Variants in CAST observed in about 807,000 individuals in gnomAD.
The protein encoded by CAST is calpastatin.
CAST carries 76 observed loss-of-function variants against 119.6 expected under a neutral mutation model. The observed-to-expected ratio is 0.64, with a 90% CI of 0.53 to 0.77. CAST has a LOEUF of 0.77. CAST is among the 30% of genes least tolerant of loss of function. CAST has a pLI of 0.00. For missense variants in CAST, 953 were observed against 946.5 expected, an observed-to-expected ratio of 1.01 and a Z score of -0.09; for synonymous variants, 319 against 331.6, an observed-to-expected ratio of 0.96 and a Z score of 0.41.
the CAST span, among the ~76,000 whole-genome samples, chr5:96,223,421 GA>G: frequency 2.6e-5 from 4 of 152,016 alleles, no homozygotes; most frequent in Non-Finnish European, 5.9e-5. Flanking sequence ...TATCAATAAA[GA>G]AAAAAATTAG....
the CAST span, among the ~76,000 whole-genome samples, chr5:96,191,504 C>T: frequency 6.6e-6 from 1 of 152,238 alleles, no homozygotes; most frequent in Non-Finnish European, 1.5e-5. Context: ...ATTCAAATTT[C>T]ATCTCCAGAG....
At chr5:96,706,650 G>A (rs1404772483) in intron 3 of CAST, among the ~76,000 whole-genome samples, 1 of 152,222 alleles carries the variant, frequency 6.6e-6, no homozygotes, top group Non-Finnish European at 1.5e-5. Context: ...CTGCTTATAA[G>A]TGTGAAATAC....
chr5:96,413,687 C>A, the CAST span, among the ~76,000 whole-genome samples: 1 of 151,296 alleles, frequency 6.6e-6, no homozygotes, highest in East Asian at 1.9e-4. Context: ...ATAATCCCAG[C>A]TACTCAGGAG....
At chr5:96,434,391 C>A in the CAST span, among the ~76,000 whole-genome samples, 1 of 152,238 alleles carries the variant, frequency 6.6e-6, no homozygotes, top group African/African-American at 2.4e-5. Flanking sequence ...AAGACCTCCA[C>A]CCTTCTGCAG....
At chr5:96,355,826 C>T in the CAST span, among the ~76,000 whole-genome samples, 1 of 152,048 alleles carries the variant, frequency 6.6e-6, no homozygotes, top group African/African-American at 2.4e-5. Flanking sequence ...CCCAGCCTCC[C>T]GAGTAGCTGG....
chr5:96,008,228 G>A, the CAST span, among the ~76,000 whole-genome samples: 1 of 152,148 alleles, frequency 6.6e-6, no homozygotes, highest in Non-Finnish European at 1.5e-5. Flanking sequence ...ACAGAACTGG[G>A]CAATTATCAA....
the CAST span, among the ~76,000 whole-genome samples, chr5:96,461,488 G>A: frequency 3.0e-4 from 45 of 152,138 alleles, no homozygotes; most frequent in African/African-American, 9.9e-4. Context: ...AGGTAGGAAG[G>A]TTCTAATATC....
the CAST span, chr5:96,429,277 T>C: frequency 1.2e-6 from 2 of 1,600,910 alleles, no homozygotes; most frequent in Middle Eastern, 3.3e-4. Flanking sequence ...TCTGGGGTGG[T>C]TTTTATGTTT....
intron 3 of CAST, among the ~76,000 whole-genome samples, chr5:96,701,672 G>A (rs1325035234): frequency 6.6e-6 from 1 of 151,970 alleles, no homozygotes; most frequent in Non-Finnish European, 1.5e-5. Flanking sequence ...AGGTGTGGTG[G>A]TGCATGCCTG....
the CAST span, among the ~76,000 whole-genome samples, chr5:96,451,844 A>G: frequency 6.6e-6 from 1 of 152,242 alleles, no homozygotes; most frequent in Non-Finnish European, 1.5e-5. Context: ...ATGTAAACAG[A>G]CACTTCTCAA....
chr5:96,584,720 G>C (rs1395533486), intron 1 of CAST: 1 of 152,146 alleles, frequency 6.6e-6, no homozygotes, highest in Admixed American at 6.5e-5. Flanking sequence ...TTTAGAGGAG[G>C]AGTCTTTTCA....
Position 96,561,446 on chromosome 5 carries a change from G to A in CAST, c.60+31566G>A, listed in dbSNP as rs529725779. On this transcript the variant is annotated intron_variant, in intron 1 of 11. Coordinates refer to the CAST transcript ENST00000505143. ...TGGATGAAGCTGGAAACCTTCATTC[G>A]CAGCAAACTATCACAAGATCAGAAA... Among the ~76,000 whole-genome samples the A allele has an allele frequency of 4.6e-5, 7 of 151,314 alleles. No homozygotes were observed. In the South Asian group the frequency reaches 8.4e-4, roughly 18 times the overall value.
At chr5:96,179,857 G>A in the CAST span, among the ~76,000 whole-genome samples, 4,812 of 152,006 alleles carry the variant, frequency 0.032, 264 homozygotes, top group African/African-American at 0.11. Context: ...TAACACGGTG[G>A]AACCTCATCT....
chr5:96,407,310 A>T, the CAST span, among the ~76,000 whole-genome samples: 1 of 152,238 alleles, frequency 6.6e-6, no homozygotes, highest in Non-Finnish European at 1.5e-5. Flanking sequence ...GGCCATAAAG[A>T]AGCAACCCCA....
intron 1 of CAST, among the ~76,000 whole-genome samples, chr5:96,671,575 C>G (rs759139266): frequency 6.6e-6 from 1 of 152,208 alleles, no homozygotes; most frequent in East Asian, 1.9e-4. Context: ...TGAACCAAGG[C>G]GACAGTGGGT....
the CAST span, among the ~76,000 whole-genome samples, chr5:96,219,758 CAGGA>C: frequency 7.6e-3 from 1,075 of 140,646 alleles, 7 homozygotes; most frequent in Middle Eastern, 0.021. Context: ...GGCAGGCAGG[CAGGA>C]AGGAAGGAAG....
the CAST span, among the ~76,000 whole-genome samples, chr5:96,505,525 T>C: frequency 2.0e-5 from 3 of 152,222 alleles, 1 homozygote; most frequent in Admixed American, 2.0e-4. Flanking sequence ...AGGAATATTA[T>C]TAAATCCTCT....
At chr5:96,424,240 C>G in the CAST span, among the ~76,000 whole-genome samples, 1 of 152,164 alleles carries the variant, frequency 6.6e-6, no homozygotes, top group Admixed American at 6.5e-5. Context: ...GAGCTGCCCT[C>G]TTGCTTTTGT....
chr5:96,718,007 C>G (rs1463158653), intron 3 of CAST, among the ~76,000 whole-genome samples: 1 of 151,972 alleles, frequency 6.6e-6, no homozygotes, highest in Non-Finnish European at 1.5e-5. Flanking sequence ...GTGATTAGAC[C>G]TGGAGTAGGG....
Sources: allele counts gnomAD v4.1 joint callset (sites outside exome capture counted in the v4.1 genomes callset), GRCh38; gene constraint gnomAD v4.1.1; transcripts MANE v1.5; gene names NCBI Gene and HGNC (gene_info 2026-07-23, HGNC 2026-07-21).